IGF1R: variants seen among roughly 807,000 people sequenced by gnomAD.
IGF1R encodes insulin-like growth factor 1 receptor.
Under a neutral mutation model 144.6 loss-of-function variants are expected in IGF1R, and 44 were observed. The observed-to-expected ratio is 0.30, with a 90% confidence interval of 0.24 to 0.39. IGF1R has a LOEUF of 0.39. Among genes scored for constraint, IGF1R ranks in the 10% least tolerant of loss-of-function variants. IGF1R has a pLI of 1.00. For synonymous variants in IGF1R, 795 were observed against 722.8 expected (o/e 1.10, Z -1.60); for missense variants, 1,355 against 1,833.7 (o/e 0.74, Z 4.77).
chr15:98,710,371 A>T (rs893661649), intron 2 of IGF1R, among the ~76,000 whole-genome samples: 1 of 152,110 alleles, frequency 6.6e-6, no homozygotes, highest in Non-Finnish European at 1.5e-5. Flanking sequence ...TTCTAGTTGA[A>T]TCAGAACTTC....
At chr15:98,794,199 C>A (rs74034207) in intron 2 of IGF1R, among the ~76,000 whole-genome samples, 2 of 152,188 alleles carry the variant, frequency 1.3e-5, no homozygotes, top group African/African-American at 2.4e-5. Context: ...TTAGAAACGC[C>A]AGTCTAGACT....
chr15:98,953,893 C>T (rs1199803283), intron 20 of IGF1R, among the ~76,000 whole-genome samples: 1 of 152,140 alleles, frequency 6.6e-6, no homozygotes, highest in Non-Finnish European at 1.5e-5. Flanking sequence ...GAAGGGCGCT[C>T]CTGCTCAGTT....
intron 2 of IGF1R, among the ~76,000 whole-genome samples, chr15:98,778,723 G>A (rs750780107): frequency 6.6e-6 from 1 of 152,190 alleles, no homozygotes; most frequent in Admixed American, 6.5e-5. Context: ...CCTGCACTGG[G>A]CCACCTTCCC....
rs749826975 is a variant in IGF1R, at chr15:98,929,543, T to C, written c.2783-15T>C. ...CACCTGGTGATATTTTATCATTTCC[T>C]CCTCTTTGCTGCAGCAGGATATGAA... On this transcript the variant is annotated splice_polypyrimidine_tract_variant and intron_variant, in intron 13 of 20. Transcript: ENST00000650285. The C allele has an allele frequency of 7.5e-6, 12 of 1,592,588 alleles. No homozygotes were observed. The highest frequency in any genetic ancestry group is 1.1e-5 in the South Asian group (1 of 90,650).
chr15:98,695,174 T>A (rs1258869322), intron 1 of IGF1R, among the ~76,000 whole-genome samples: 1 of 152,184 alleles, frequency 6.6e-6, no homozygotes, highest in East Asian at 1.9e-4. Flanking sequence ...GGATATAAGG[T>A]CTGAAATAAT....
intron 1 of IGF1R, among the ~76,000 whole-genome samples, chr15:98,664,234 T>TC (rs1567063526): frequency 6.6e-6 from 1 of 152,052 alleles, no homozygotes; most frequent in African/African-American, 2.4e-5. Context: ...TTCTCCCTTT[T>TC]CCCCCCAGTC....
intron 1 of IGF1R, among the ~76,000 whole-genome samples, chr15:98,652,733 A>C (rs1057295525): frequency 2.0e-5 from 3 of 152,154 alleles, no homozygotes; most frequent in African/African-American, 7.2e-5. Context: ...CAGAAGGTAG[A>C]TGAGTGGTTG....
At chr15:98,771,052 C>T (rs1292018677) in intron 2 of IGF1R, among the ~76,000 whole-genome samples, 3 of 152,082 alleles carry the variant, frequency 2.0e-5, no homozygotes, top group African/African-American at 7.2e-5. Context: ...GATGAAACTT[C>T]GAATGAGGAT....
intron 2 of IGF1R, among the ~76,000 whole-genome samples, chr15:98,803,183 C>G (rs1228100724): frequency 6.6e-6 from 1 of 152,184 alleles, no homozygotes; most frequent in Non-Finnish European, 1.5e-5. Flanking sequence ...TTAGTTGATA[C>G]AGCCTACTAC....
chr15:98,663,820 A>G, intron 1 of IGF1R, among the ~76,000 whole-genome samples: 1 of 152,224 alleles, frequency 6.6e-6, no homozygotes, highest in East Asian at 1.9e-4. Context: ...AGTCCTTACC[A>G]TGCAAGTGAA....
chr15:98,767,534 T>C (rs930625924), intron 2 of IGF1R, among the ~76,000 whole-genome samples: 1 of 152,226 alleles, frequency 6.6e-6, no homozygotes, highest in African/African-American at 2.4e-5. Flanking sequence ...TTTAAAAAAA[T>C]GATGAAAGAG....
At chr15:98,864,764 T>C (rs570228641) in intron 2 of IGF1R, among the ~76,000 whole-genome samples, 1 of 152,358 alleles carries the variant, frequency 6.6e-6, no homozygotes, top group South Asian at 2.1e-4. Flanking sequence ...TGTGGTCTTT[T>C]CTATTATTTT....
intron 2 of IGF1R, among the ~76,000 whole-genome samples, chr15:98,866,547 A>C (rs1264487215): frequency 6.6e-6 from 1 of 152,216 alleles, no homozygotes; most frequent in Non-Finnish European, 1.5e-5. Flanking sequence ...ACTTCTGATA[A>C]ATTATTTCAG....
intron 19 of IGF1R, among the ~76,000 whole-genome samples, 153 bp from the exon 20 acceptor site, chr15:98,948,413 ATCCCGCAC>A (rs2016638520): frequency 1.3e-5 from 2 of 152,194 alleles, no homozygotes. Context: ...GGAGGATGAT[ATCCCGCAC>A]TTAGCCCAGG....
At position 98,794,981 on chromosome 15, in the gene IGF1R, A is replaced by G. The variant is rs143224310; in HGVS notation, c.640+86874A>G. ...CCCAGCTTTGATTGCTTACCTTAGC[A>G]ATGCTCTCAGCTTGGACCAGAAGGC... On this transcript the variant is annotated intron_variant, in intron 2 of 20. Transcript: ENST00000650285. 3.6e-3 allele frequency among the ~76,000 whole-genome samples: 545 copies of G among 152,320 alleles called. 7 individuals carry two copies. Among genetic ancestry groups the G allele is most frequent in the African/African-American group, 0.012 (517 of 41,576 alleles).
intron 4 of IGF1R, 115 bp downstream of exon 4, chr15:98,897,020 T>C (rs2014233994): frequency 3.1e-6 from 3 of 961,978 alleles, no homozygotes; most frequent in African/African-American, 1.6e-5. Context: ...ATAAACAACA[T>C]GGTGTGTAAG....
chr15:98,912,999 T>G, intron 7 of IGF1R, 45 bp from the exon 8 acceptor site: 1 of 1,382,520 alleles, frequency 7.2e-7, no homozygotes, highest in Non-Finnish European at 1.0e-6. Context: ...TTGAGGGTTT[T>G]GATGTCAGAG....
intron 1 of IGF1R, among the ~76,000 whole-genome samples, chr15:98,650,634 G>A (rs1222968649): frequency 1.3e-5 from 2 of 152,328 alleles, no homozygotes; most frequent in South Asian, 2.1e-4. Context: ...GCCTCACGGG[G>A]ACACCTAGAC....
intron 19 of IGF1R, among the ~76,000 whole-genome samples, chr15:98,944,614 T>C (rs1262600136): frequency 6.6e-6 from 1 of 152,232 alleles, no homozygotes; most frequent in Non-Finnish European, 1.5e-5. Context: ...AAGCAATGAT[T>C]CCTAAATAGT....
Sources: gnomAD v4.1 joint callset for allele counts (sites outside exome capture counted in the v4.1 genomes callset) on GRCh38, gnomAD v4.1.1 for gene constraint, MANE v1.5 for transcripts, NCBI Gene and HGNC (gene_info 2026-07-23, HGNC 2026-07-21) for gene names.